Variants in CCSER1 observed in about 807,000 individuals in gnomAD.
CCSER1 encodes the protein coiled-coil serine rich protein 1.
Under a neutral mutation model 82.0 loss-of-function variants are expected in CCSER1, and 41 were observed. That is an observed-to-expected ratio of 0.50 (90% CI 0.39 to 0.65). CCSER1 has a LOEUF of 0.65. CCSER1 is among the 30% of genes least tolerant of loss of function. CCSER1 has a pLI of 0.00. For missense variants in CCSER1, 1,119 were observed against 1,064.2 expected, an observed-to-expected ratio of 1.05 and a Z score of -0.72; for synonymous variants, 414 against 383.9, an observed-to-expected ratio of 1.08 and a Z score of -0.92.
intron 9 of CCSER1, among the ~76,000 whole-genome samples, chr4:90,928,770 G>C (rs2061014): frequency 2.6e-5 from 4 of 151,950 alleles, no homozygotes; most frequent in Non-Finnish European, 5.9e-5. Context: ...ATTCCTTGAC[G>C]TCCCTTCAGT....
At chr4:90,150,234 C>G (rs1726568942) in intron 1 of CCSER1, among the ~76,000 whole-genome samples, 1 of 152,104 alleles carries the variant, frequency 6.6e-6, no homozygotes, top group Non-Finnish European at 1.5e-5. Context: ...TGGAACCAAA[C>G]CCTGTGGGTA....
At chr4:91,551,848 G>A (rs1243972172) in intron 10 of CCSER1, among the ~76,000 whole-genome samples, 1 of 151,628 alleles carries the variant, frequency 6.6e-6, no homozygotes, top group Non-Finnish European at 1.5e-5. Context: ...TTTTGTTCCT[G>A]AAAATGAACT....
intron 1 of CCSER1, among the ~76,000 whole-genome samples, chr4:90,238,443 C>T (rs1746215883): frequency 6.6e-6 from 1 of 152,164 alleles, no homozygotes; most frequent in Non-Finnish European, 1.5e-5. Flanking sequence ...TGAAGACTCA[C>T]ATAGGAAAAA....
At chr4:90,551,702 C>A (rs1317649311) in intron 5 of CCSER1, among the ~76,000 whole-genome samples, 321 of 113,982 alleles carry the variant, frequency 2.8e-3, no homozygotes, top group Middle Eastern at 9.5e-3. Flanking sequence ...CTCTCTCTCT[C>A]TCTCTATATA....
chr4:90,147,505 T>G (rs1255290744), intron 1 of CCSER1, among the ~76,000 whole-genome samples: 1 of 152,200 alleles, frequency 6.6e-6, no homozygotes, highest in Admixed American at 6.6e-5. Context: ...TTGGCCATGT[T>G]CAAGTACCTT....
chr4:91,445,415 G>A (rs1179391986), intron 10 of CCSER1, among the ~76,000 whole-genome samples: 2 of 144,744 alleles, frequency 1.4e-5, no homozygotes, highest in African/African-American at 2.6e-5. Context: ...TCTCATTTTA[G>A]CCATCTTTTC....
rs192001092 is a variant in CCSER1 at position 91,493,014 on chromosome 4, C to T, written c.2218-105558C>T. Among the ~76,000 whole-genome samples the T allele has an allele frequency of 7.9e-5, 12 of 152,006 alleles. No individual in the cohort carries two copies. In the East Asian group the frequency reaches 2.3e-3, roughly 29 times the overall value. ...CCATTAAAAGCCTGTGAGAAGCAAACTCATAATGATAGGAGATCTCTGAAA... is the reference window on the plus strand; with the variant it reads ...CCATTAAAAGCCTGTGAGAAGCAAATTCATAATGATAGGAGATCTCTGAAA... On this transcript the variant is annotated intron_variant, in intron 10 of 10. Coordinates refer to ENST00000509176, the MANE Select transcript of CCSER1 (RefSeq NM_001145065.2).
chr4:90,738,008 T>C (rs1213707806), intron 7 of CCSER1, among the ~76,000 whole-genome samples: 1 of 152,224 alleles, frequency 6.6e-6, no homozygotes, highest in East Asian at 1.9e-4. Context: ...TTTGTTATCT[T>C]GAATTTCATT....
chr4:90,703,242 T>C (rs1037436623), intron 6 of CCSER1, among the ~76,000 whole-genome samples: 1 of 152,248 alleles, frequency 6.6e-6, no homozygotes, highest in African/African-American at 2.4e-5. Context: ...CCAGTAGTTG[T>C]TCAGGAGCAG....
chr4:91,337,537 C>G (rs191111210), intron 10 of CCSER1, among the ~76,000 whole-genome samples: 90 of 152,194 alleles, frequency 5.9e-4, no homozygotes, highest in Middle Eastern at 3.4e-3. Context: ...TGGACTGCAG[C>G]TTCTTTACGT....
chr4:91,497,550 T>C (rs1318864892), intron 10 of CCSER1, among the ~76,000 whole-genome samples: 1 of 151,856 alleles, frequency 6.6e-6, no homozygotes, highest in Non-Finnish European at 1.5e-5. Flanking sequence ...TATGAAATGA[T>C]AACTATGGCT....
intron 10 of CCSER1, among the ~76,000 whole-genome samples, chr4:91,261,196 T>A (rs1264652186): frequency 1.3e-5 from 2 of 152,216 alleles, no homozygotes; most frequent in Non-Finnish European, 2.9e-5. Flanking sequence ...ATAGCCATGG[T>A]TGAGAGCCAG....
chr4:91,182,957 C>T (rs1228201045), intron 10 of CCSER1, among the ~76,000 whole-genome samples: 1 of 152,178 alleles, frequency 6.6e-6, no homozygotes, highest in Non-Finnish European at 1.5e-5. Context: ...AATGCTGTAT[C>T]TGTGTTTGAG....
In CCSER1 at chr4:90,488,204, C is replaced by G. The variant is rs192157839; in HGVS notation, c.1724+19850C>G. Among the ~76,000 whole-genome samples, 3 of 151,926 alleles carry G rather than the reference C, an allele frequency of 2.0e-5. No homozygotes were observed. In the South Asian group the frequency reaches 6.3e-4, roughly 32 times the overall value. On this transcript the variant is annotated intron_variant, in intron 5 of 10. Coordinates refer to ENST00000509176, the MANE Select transcript of CCSER1 (RefSeq NM_001145065.2). The stretch of plus-strand genomic sequence containing the variant: ...TTTATTTTATTTATTTATTTTGAGA[C>G]GGAGTCTCGCTCTGTTGCCCAGGCT...
chr4:90,262,286 T>TTTATAGTTTA (rs1317539032), intron 1 of CCSER1, among the ~76,000 whole-genome samples: 1 of 152,162 alleles, frequency 6.6e-6, no homozygotes, highest in Non-Finnish European at 1.5e-5. Flanking sequence ...GGCTTTAATG[T>TTTATAGTTTA]TTATAGTTTA....
chr4:90,805,008 ATATT>A (rs1443338748), intron 7 of CCSER1, among the ~76,000 whole-genome samples: 1 of 152,212 alleles, frequency 6.6e-6, no homozygotes, highest in Non-Finnish European at 1.5e-5. Context: ...AAATCACAAA[ATATT>A]TACTTTAAAA....
chr4:91,501,789 T>C (rs1368423044), intron 10 of CCSER1, among the ~76,000 whole-genome samples: 4 of 152,148 alleles, frequency 2.6e-5, no homozygotes, highest in African/African-American at 9.7e-5. Flanking sequence ...AGAACTCAAT[T>C]TGGGCATGTC....
chr4:91,358,791 T>G (rs893764823), intron 10 of CCSER1, among the ~76,000 whole-genome samples: 4 of 152,062 alleles, frequency 2.6e-5, no homozygotes, highest in Non-Finnish European at 5.9e-5. Context: ...TCTGGCGAGG[T>G]GTTCCACTGG....
intron 9 of CCSER1, among the ~76,000 whole-genome samples, chr4:90,967,493 A>G (rs2150390340): frequency 6.6e-6 from 1 of 152,112 alleles, no homozygotes; most frequent in Non-Finnish European, 1.5e-5. Flanking sequence ...TGGGACAACA[A>G]TATATCCACA....
Sources: gnomAD v4.1 joint callset for allele counts (sites outside exome capture counted in the v4.1 genomes callset) on GRCh38, gnomAD v4.1.1 for gene constraint, MANE v1.5 for transcripts, NCBI Gene and HGNC (gene_info 2026-07-23, HGNC 2026-07-21) for gene names.